SLC22A9: variants seen among roughly 807,000 people sequenced by gnomAD.
SLC22A9 encodes solute carrier family 22 member 9.
SLC22A9 carries 64 observed loss-of-function variants against 50.1 expected under a neutral mutation model. The ratio of observed to expected loss-of-function variants is 1.28; its 90% CI spans 1.04 to 1.57. The LOEUF is 1.57. SLC22A9 is among the 40% of genes most tolerant of loss of function. The pLI is 0.00. For missense variants in SLC22A9, 757 were observed against 676.1 expected (o/e 1.12, Z -1.33); for synonymous variants, 261 against 242.5 (o/e 1.08, Z -0.71).
intron 4 of SLC22A9, 72 bp from the exon 5 acceptor site, chr11:63,375,573 T>C: frequency 1.3e-6 from 2 of 1,563,748 alleles, no homozygotes; most frequent in South Asian, 1.2e-5. Flanking sequence ...GGAGAAGACA[T>C]CTTAAGAAAA....
At chr11:63,385,730 C>A (rs1456328692) in intron 6 of SLC22A9, among the ~76,000 whole-genome samples, 1 of 152,110 alleles carries the variant, frequency 6.6e-6, no homozygotes, top group Non-Finnish European at 1.5e-5. Flanking sequence ...AAGATCATGT[C>A]ATCTGCAAAT....
chr11:63,407,130 A>C (rs964758567), intron 7 of SLC22A9, among the ~76,000 whole-genome samples: 1 of 152,132 alleles, frequency 6.6e-6, no homozygotes, highest in South Asian at 2.1e-4. Context: ...TTCAGTGACA[A>C]TGTACTCCCT....
chr11:63,397,828 C>G (rs1214958715), intron 6 of SLC22A9, among the ~76,000 whole-genome samples: 2 of 152,136 alleles, frequency 1.3e-5, no homozygotes, highest in Non-Finnish European at 2.9e-5. Flanking sequence ...ATCCAAGAGC[C>G]CAGGCTTGGA....
intron 1 of SLC22A9, 115 bp from the exon 2 acceptor site, chr11:63,371,020 C>A: frequency 1.5e-6 from 1 of 682,626 alleles, no homozygotes; most frequent in Non-Finnish European, 2.5e-6. Context: ...GAAAGGAAGC[C>A]ACAGAGGAAG....
At chr11:63,383,964 A>G (rs471044) in intron 6 of SLC22A9, among the ~76,000 whole-genome samples, 102,784 of 151,590 alleles carry the variant, frequency 0.68, 35,166 homozygotes, top group African/African-American at 0.74. Flanking sequence ...TAGGAGAATC[A>G]CTTCAACCCG....
At chr11:63,375,598 A>G in intron 4 of SLC22A9, 47 bp from the exon 5 acceptor site, 1 of 1,592,916 alleles carries the variant, frequency 6.3e-7, no homozygotes, top group Non-Finnish European at 8.5e-7. Context: ...AATGTAAGAA[A>G]TGAGGAAGTG....
intron 6 of SLC22A9, among the ~76,000 whole-genome samples, chr11:63,392,571 C>T (rs974925298): frequency 3.0e-4 from 46 of 152,026 alleles, no homozygotes; most frequent in African/African-American, 1.0e-3. Flanking sequence ...TTAAAATTTC[C>T]ACTGCAAAGT....
At chr11:63,375,875 A>T in intron 5 of SLC22A9, 107 bp downstream of exon 5, 2 of 1,409,698 alleles carry the variant, frequency 1.4e-6, no homozygotes, top group Non-Finnish European at 1.9e-6. Flanking sequence ...AAACACAGGT[A>T]TGGTTATGGG....
At chr11:63,397,683 T>C (rs2014883697) in intron 6 of SLC22A9, among the ~76,000 whole-genome samples, 1 of 152,166 alleles carries the variant, frequency 6.6e-6, no homozygotes, top group Non-Finnish European at 1.5e-5. Flanking sequence ...TGGTAAGTAC[T>C]ACCTGTTTAT....
chr11:63,374,039 C>G lies in SLC22A9; in HGVS notation c.807C>G (p.Tyr269Ter). Residue 269 changes from tyrosine to a stop codon, truncating the protein, a stop_gained, in exon 4 of 10, where the codon TAC (tyrosine) becomes TAG (stop). Transcript: ENST00000279178. LOFTEE classifies it high-confidence loss of function. ...TCCAGCTGGTGGTGTCTGTACCATA[C>G]TTTGTGATCTTTCTGACCTCAAGGT... ...HILQLVVSVP[Y>*]FVIFLTSSWL... The G allele has an allele frequency of 6.2e-7, 1 of 1,610,436 alleles. No homozygotes were observed. Among genetic ancestry groups the G allele is most frequent in the Non-Finnish European group, 8.5e-7 (1 of 1,178,844 alleles).
At chr11:63,371,050 A>G (rs2014349319) in intron 1 of SLC22A9, 85 bp from the exon 2 acceptor site, 1 of 957,844 alleles carries the variant, frequency 1.0e-6, no homozygotes, top group African/African-American at 1.6e-5. Context: ...TAATATTAGG[A>G]AACTTGCAGA....
In SLC22A9 at chr11:63,382,048, C is replaced by A. The variant is rs373078903; in HGVS notation, c.955-111C>A. On this transcript the variant is annotated intron_variant, in intron 5 of 9. Transcript: ENST00000279178. ...GCATTTTAAGGCTTATATTTTCCACCAGACAGAAAGTGCAGTCAACTCACT... is the reference window on the plus strand; with the variant it reads ...GCATTTTAAGGCTTATATTTTCCACAAGACAGAAAGTGCAGTCAACTCACT... 3.1e-4 allele frequency: 214 copies of A among 687,028 alleles called. 9 individuals carry two copies. The highest frequency in any genetic ancestry group is 9.5e-4 in the South Asian group (42 of 44,366). 42.6% of individuals were successfully genotyped at this position (687,028 alleles called of 1,614,324 possible).
chr11:63,403,116 A>G (rs982501402), intron 6 of SLC22A9, among the ~76,000 whole-genome samples: 1 of 152,162 alleles, frequency 6.6e-6, no homozygotes, highest in African/African-American at 2.4e-5. Flanking sequence ...ATATAGTCAG[A>G]AGACTAAAAA....
Position 63,406,636 on chromosome 11 carries a change from A to C in SLC22A9, c.1213A>C (p.Asn405His), listed in dbSNP as rs760005613. Reference sequence around the variant, plus strand: ...TGCACCTTGGGCACTGAAATACATGAACCGTCGAGCAAGCCAGATGCTTCT... The same window carrying C: ...TGCACCTTGGGCACTGAAATACATGCACCGTCGAGCAAGCCAGATGCTTCT... ...CVAPWALKYM[N>H]RRASQMLLMF... Residue 405 changes from asparagine to histidine, a missense_variant, in exon 7 of 10, where the codon AAC becomes CAC. Asn to His is a moderately conservative substitution (Grantham distance 68). Transcript: ENST00000279178. 6 of 1,613,810 alleles carry C rather than the reference A, an allele frequency of 3.7e-6. No individual in the cohort carries two copies. In the South Asian group the frequency reaches 6.6e-5, roughly 18 times the overall value.
rs762523400 is a variant in SLC22A9 at position 63,371,202 on chromosome 11, TG to T, written c.472del (p.Val158TrpfsTer5). 3.2e-5 allele frequency: 51 copies of T among 1,613,300 alleles called. No homozygotes were observed. The highest frequency in any genetic ancestry group is 4.2e-5 in the Non-Finnish European group (50 of 1,179,542). ...AAATTTGTATTCATGGCTGGAATGA[TG>T]GTGGGAGGCATCCTAGGCGGTCATT... The part of the protein sequence containing the change: ...VAKFVFMAGM[M>X]VGGILGGHLS... On this transcript the variant is annotated frameshift_variant, in exon 2 of 10. Coordinates refer to ENST00000279178, the MANE Select transcript of SLC22A9 (RefSeq NM_080866.3). LOFTEE classifies it high-confidence loss of function.
At position 63,375,766 on chromosome 11, in the gene SLC22A9, G is replaced by T. The variant is rs2014450437; in HGVS notation, c.952G>T (p.Glu318Ter). The change falls in exon 5 of 10, where the codon GAG (glutamate) becomes TAG (stop). Residue 318 changes from glutamate (E) to a stop codon, truncating the protein, a stop_gained and splice_region_variant. Transcript: ENST00000279178. LOFTEE classifies it high-confidence loss of function. ...GAATGCCAGAGACACCCTAACCCTG[G>T]AGGTGAGCTGGATGGGAGCTAGATA... ...MKNARDTLTLEILKSTMKKEL... is the reference protein window; with the variant it reads ...MKNARDTLTL 1.2e-6 allele frequency: 2 copies of T among 1,611,442 alleles called. No homozygotes were observed. The highest frequency in any genetic ancestry group is 1.1e-5 in the South Asian group (1 of 90,990).
At chr11:63,399,025 C>T (rs11231448) in intron 6 of SLC22A9, among the ~76,000 whole-genome samples, 34,747 of 151,866 alleles carry the variant, frequency 0.23, 4,606 homozygotes, top group East Asian at 0.68. Context: ...TTTTGCAGGC[C>T]TCATATTAAC....
intron 6 of SLC22A9, among the ~76,000 whole-genome samples, chr11:63,399,440 T>TA (rs1022073734): frequency 1.3e-5 from 2 of 151,960 alleles, no homozygotes; most frequent in African/African-American, 4.8e-5. Context: ...ATCAATACTG[T>TA]AAAAACAGAC....
chr11:63,375,722 C>T lies in SLC22A9; in HGVS notation c.908C>T (p.Ala303Val). 12 of 1,612,704 alleles carry T rather than the reference C, an allele frequency of 7.4e-6. No homozygotes were observed. Among genetic ancestry groups the T allele is most frequent in the Non-Finnish European group, 8.5e-6 (10 of 1,179,076 alleles). Residue 303 changes from alanine to valine, a missense_variant, in exon 5 of 10, where the codon GCA becomes GTA. By Grantham distance (64) the Ala-to-Val change is moderately conservative (BLOSUM62 0). Transcript: ENST00000279178. ...EEGLKELRKA[A>V]HRSGMKNARD... is the part of the protein sequence containing the mutation. Reference sequence around the variant, plus strand: ...GGCTTAAAGGAACTTAGAAAAGCTGCACACAGGAGTGGAATGAAGAATGCC... The same window carrying T: ...GGCTTAAAGGAACTTAGAAAAGCTGTACACAGGAGTGGAATGAAGAATGCC...
Sources: allele counts gnomAD v4.1 joint callset (sites outside exome capture counted in the v4.1 genomes callset), GRCh38; gene constraint gnomAD v4.1.1; transcripts MANE v1.5; gene names NCBI Gene and HGNC (gene_info 2026-07-23, HGNC 2026-07-21).